RNF212B: variants seen among roughly 807,000 people sequenced by gnomAD.
RNF212B encodes the protein ring finger protein 212B, also known as E3 ubiquitin-protein ligase RNF212B.
RNF212B carries 52 observed loss-of-function variants against 55.5 expected under a neutral mutation model. The observed-to-expected ratio is 0.94, with a 90% CI of 0.75 to 1.18. The LOEUF (loss-of-function observed/expected upper bound fraction) is 1.18. Among genes scored for constraint, RNF212B ranks in the 50% most tolerant of loss-of-function variants. The pLI is 0.00. For synonymous variants in RNF212B, 99 were observed against 121.4 expected, an observed-to-expected ratio of 0.82 and a Z score of 1.21; for missense variants, 289 against 350.4, an observed-to-expected ratio of 0.82 and a Z score of 1.40.
intron 2 of RNF212B, among the ~76,000 whole-genome samples, chr14:23,231,161 A>T (rs1211139685): frequency 5.3e-5 from 8 of 152,158 alleles, no homozygotes. Flanking sequence ...AAATAGTTGG[A>T]ATTTTGATAG....
intron 2 of RNF212B, among the ~76,000 whole-genome samples, chr14:23,204,729 G>A (rs928381071): frequency 6.6e-6 from 1 of 152,060 alleles, no homozygotes; most frequent in African/African-American, 2.4e-5. Flanking sequence ...TCCATATGAA[G>A]TTTAGAATTG....
In RNF212B at chr14:23,226,291, C is replaced by A. The variant is rs759952671; in HGVS notation, c.-1-14054C>A. Among the ~76,000 whole-genome samples the A allele has an allele frequency of 8.3e-4, 85 of 101,812 alleles. 1 individual carries two copies. The Middle Eastern group carries it at 0.029, about 34-fold the overall frequency. The allele number at this position is 101,812 out of a possible 152,430, so 66.8% of individuals were successfully genotyped here. On this transcript the variant is annotated intron_variant, in intron 2 of 15. Transcript: ENST00000399910. Reference sequence around the variant, plus strand: ...TAGCCTGGGCGACAGAGCAAGAAACCGTCTCAAAAAAAAAAAAAAAAAAAA... The same window carrying A: ...TAGCCTGGGCGACAGAGCAAGAAACAGTCTCAAAAAAAAAAAAAAAAAAAA...
intron 2 of RNF212B, among the ~76,000 whole-genome samples, chr14:23,202,559 G>A (rs1193242060): frequency 3.9e-5 from 6 of 152,010 alleles, no homozygotes; most frequent in South Asian, 2.1e-4. Flanking sequence ...TTTAATTGCT[G>A]TCAGTGTTTA....
upstream of RNF212B, among the ~76,000 whole-genome samples, chr14:23,235,880 G>A (rs376571740): frequency 5.9e-4 from 90 of 152,226 alleles, 2 homozygotes; most frequent in East Asian, 6.6e-3. Flanking sequence ...AATGTAACCG[G>A]CTATAAAAAG....
intron 1 of RNF212B, among the ~76,000 whole-genome samples, chr14:23,189,640 T>A (rs1877926462): frequency 6.6e-6 from 1 of 151,170 alleles, no homozygotes; most frequent in African/African-American, 2.4e-5. Flanking sequence ...TTGTTTCTAC[T>A]AAAAATTAAA....
At chr14:23,231,791 C>G (rs1026163587) in intron 2 of RNF212B, among the ~76,000 whole-genome samples, 1 of 152,180 alleles carries the variant, frequency 6.6e-6, no homozygotes, top group Non-Finnish European at 1.5e-5. Flanking sequence ...AGGCACGCGC[C>G]GCCACGCCTG....
chr14:23,268,296 CAG>C (rs748214354), intron 11 of RNF212B, among the ~76,000 whole-genome samples: 59 of 152,152 alleles, frequency 3.9e-4, no homozygotes, highest in Non-Finnish European at 7.2e-4. Context: ...TAGTGACTGC[CAG>C]ACTGTTGGGT....
intron 2 of RNF212B, among the ~76,000 whole-genome samples, chr14:23,213,265 A>G (rs1319257928): frequency 2.6e-5 from 4 of 151,834 alleles, no homozygotes; most frequent in Non-Finnish European, 1.5e-5. Context: ...GTGAGCCGAG[A>G]TCGCACCACT....
chr14:23,205,526 T>C (rs1253554078), intron 2 of RNF212B, among the ~76,000 whole-genome samples: 3 of 152,232 alleles, frequency 2.0e-5, no homozygotes, highest in African/African-American at 7.2e-5. Flanking sequence ...GATTTAAAAC[T>C]ATGAAGCTGC....
At chr14:23,212,360 T>G (rs939625535) in intron 2 of RNF212B, among the ~76,000 whole-genome samples, 12 of 152,166 alleles carry the variant, frequency 7.9e-5, no homozygotes, top group Admixed American at 1.3e-4. Context: ...TGAGCTCTAC[T>G]GCTTAAGAAG....
chr14:23,190,774 C>G (rs1291435711), intron 1 of RNF212B, among the ~76,000 whole-genome samples: 2 of 152,196 alleles, frequency 1.3e-5, no homozygotes, highest in Non-Finnish European at 2.9e-5. Flanking sequence ...TGTTCAAAAC[C>G]CTCCAACGCT....
chr14:23,213,698 C>G (rs557558759), intron 2 of RNF212B, among the ~76,000 whole-genome samples: 3 of 128,864 alleles, frequency 2.3e-5, no homozygotes, highest in Admixed American at 1.4e-4. Context: ...TCTACCTAAA[C>G]AGGGTGACTG....
upstream of RNF212B, among the ~76,000 whole-genome samples, chr14:23,233,278 G>A (rs779828025): frequency 2.1e-4 from 32 of 152,066 alleles, 1 homozygote; most frequent in Admixed American, 1.6e-3. Flanking sequence ...GCGGAAGGCC[G>A]CAGGGTCCTC....
chr14:23,256,300 C>T (rs564532758), intron 4 of RNF212B, among the ~76,000 whole-genome samples: 22 of 152,016 alleles, frequency 1.4e-4, no homozygotes, highest in African/African-American at 4.8e-4. Context: ...TCTGTTGCTC[C>T]TCACTCCTAC....
chr14:23,216,976 G>A (rs562159159), intron 2 of RNF212B, among the ~76,000 whole-genome samples: 1 of 150,546 alleles, frequency 6.6e-6, no homozygotes, highest in African/African-American at 2.4e-5. Context: ...TTATAGAACT[G>A]GAGAGCAGAT....
At chr14:23,269,729 A>G in intron 12 of RNF212B, 134 bp from the exon 13 acceptor site, 1 of 603,866 alleles carries the variant, frequency 1.7e-6, no homozygotes, top group South Asian at 2.1e-5. Flanking sequence ...AAAAAAGAAA[A>G]AATTATCATC....
At chr14:23,271,993 T>C (rs991737820) in intron 14 of RNF212B, among the ~76,000 whole-genome samples, 9 of 152,194 alleles carry the variant, frequency 5.9e-5, no homozygotes, top group African/African-American at 1.9e-4. Flanking sequence ...AGTCAAATGA[T>C]GTCTGGCGTT....
chr14:23,262,798 G>A lies in RNF212B; in HGVS notation c.481+87G>A, dbSNP rs1290919477. The A allele has an allele frequency of 1.7e-5, 25 of 1,441,888 alleles. No individual in the cohort carries two copies. The Admixed American group carries it at 2.4e-4, about 14-fold the overall frequency. 89.3% of individuals were successfully genotyped at this position (1,441,888 alleles called of 1,614,324 possible). On this transcript the variant is annotated intron_variant, in intron 8 of 14. Coordinates refer to ENST00000430154, the MANE Select transcript of RNF212B (RefSeq NM_001282322.3). ...ATGGTTTCCTCTCAGAGACAATAAT[G>A]TGATCTTCCTAACTTTATGTGTAAT...
chr14:23,223,333 A>T (rs1015276391), intron 2 of RNF212B, among the ~76,000 whole-genome samples: 2 of 151,694 alleles, frequency 1.3e-5, no homozygotes, highest in African/African-American at 4.8e-5. Context: ...CTAATATTAC[A>T]CTGAATGGAG....
Sources: gnomAD v4.1 joint callset for allele counts (sites outside exome capture counted in the v4.1 genomes callset) on GRCh38, gnomAD v4.1.1 for gene constraint, MANE v1.5 for transcripts, NCBI Gene and HGNC (gene_info 2026-07-23, HGNC 2026-07-21) for gene names.